The following ECPAS variants were observed in gnomAD, a reference collection of about 807,000 sequenced individuals.
ECPAS encodes proteasome adapter and scaffold protein ECM29.
Under a neutral mutation model 255.1 loss-of-function variants are expected in ECPAS, and 70 were observed. That is an observed-to-expected ratio of 0.27 (90% CI 0.23 to 0.33). The LOEUF (loss-of-function observed/expected upper bound fraction) is 0.33, where lower values mean the gene tolerates loss of function less well. Among genes scored for constraint, ECPAS ranks in the 10% least tolerant of loss-of-function variants. The probability of loss-of-function intolerance (pLI) is 1.00; values close to 1 mark genes in which losing one functional copy is unlikely to be tolerated. For synonymous variants in ECPAS, 784 were observed against 775.0 expected (o/e 1.01, Z -0.19); for missense variants, 1,817 against 2,206.4 (o/e 0.82, Z 3.54).
At position 111,410,160 on chromosome 9, in the gene ECPAS, G is replaced by A. The variant is rs1487883553; in HGVS notation, c.2431C>T (p.Leu811=). 1.2e-6 allele frequency: 2 copies of A among 1,613,164 alleles called. No homozygotes were observed. The highest frequency in any genetic ancestry group is 4.5e-5 in the East Asian group (2 of 44,812). Residue 811 remains leucine, a synonymous_variant, in exon 23 of 50, where the codon CTG becomes TTG. Transcript: ENST00000684092. ...PLLAIAACTA[L]GEIGRNGPLP... is the part of the protein sequence containing the mutation. Reference sequence around the variant, plus strand: ...GGACCATTTCTGCCAATTTCACCCAGGGCTGTGCAGGCAGCAATTGCCAGG... The same window carrying A: ...GGACCATTTCTGCCAATTTCACCCAAGGCTGTGCAGGCAGCAATTGCCAGG...
chr9:111,443,864 G>A (rs1195212225), intron 4 of ECPAS, among the ~76,000 whole-genome samples: 2 of 152,114 alleles, frequency 1.3e-5, no homozygotes, highest in Non-Finnish European at 2.9e-5. Context: ...TTTTTATGAA[G>A]ACAACACTTT....
chr9:111,480,179 C>A (rs1280761533), intron 1 of ECPAS, among the ~76,000 whole-genome samples: 1 of 148,642 alleles, frequency 6.7e-6, no homozygotes, highest in Non-Finnish European at 1.5e-5. Flanking sequence ...TGGAAGAGAA[C>A]AATGCTGGCA....
chr9:111,400,116 C>A (rs1309795598), intron 24 of ECPAS, among the ~76,000 whole-genome samples: 1 of 152,206 alleles, frequency 6.6e-6, no homozygotes, highest in East Asian at 1.9e-4. Context: ...CCTGGGAACC[C>A]AGAGAATGTT....
At chr9:111,396,501 C>A (rs2098167884) in intron 25 of ECPAS, among the ~76,000 whole-genome samples, 1 of 152,148 alleles carries the variant, frequency 6.6e-6, no homozygotes, top group African/African-American at 2.4e-5. Context: ...AGCTGACTCC[C>A]CTGCTTGCTT....
At chr9:111,404,390 T>C (rs2098180758) in intron 24 of ECPAS, among the ~76,000 whole-genome samples, 1 of 149,390 alleles carries the variant, frequency 6.7e-6, no homozygotes, top group South Asian at 2.1e-4. Flanking sequence ...GGATACAAAA[T>C]CAACATACAA....
chr9:111,449,266 A>G (rs2098257172), intron 3 of ECPAS, among the ~76,000 whole-genome samples: 1 of 152,178 alleles, frequency 6.6e-6, no homozygotes, highest in Non-Finnish European at 1.5e-5. Context: ...AAAAGGGAAC[A>G]TTAATCTAAA....
intron 1 of ECPAS, among the ~76,000 whole-genome samples, chr9:111,482,662 A>G (rs375955164): frequency 5.5e-4 from 83 of 151,734 alleles, no homozygotes; most frequent in African/African-American, 1.8e-3. Context: ...AAAAAAAAAA[A>G]GGGAAAGAAA....
intron 35 of ECPAS, among the ~76,000 whole-genome samples, chr9:111,380,928 G>A (rs1042044168): frequency 6.6e-6 from 1 of 152,214 alleles, no homozygotes; most frequent in Non-Finnish European, 1.5e-5. Flanking sequence ...TTAGGCTTTG[G>A]CTGAAGGGAA....
At chr9:111,476,604 G>A (rs151238155) in intron 1 of ECPAS, among the ~76,000 whole-genome samples, 1,810 of 119,016 alleles carry the variant, frequency 0.015, 42 homozygotes, top group African/African-American at 0.054. Context: ...TTTTTGAGAT[G>A]GAGTTTCACT....
chr9:111,385,258 T>C, intron 33 of ECPAS, 79 bp downstream of exon 33: 1 of 750,906 alleles, frequency 1.3e-6, no homozygotes, highest in South Asian at 2.0e-5. Context: ...AATGGAATTT[T>C]GACATACACA....
chr9:111,392,102 T>C (rs1215098170), intron 28 of ECPAS, among the ~76,000 whole-genome samples: 2 of 152,086 alleles, frequency 1.3e-5, no homozygotes, highest in Non-Finnish European at 2.9e-5. Context: ...TAGCCGGGCA[T>C]GGTGGCACGC....
chr9:111,391,791 T>C lies in ECPAS; in HGVS notation c.3126A>G (p.Val1042=), dbSNP rs1166464717. Residue 1042 remains valine, a synonymous_variant, in exon 29 of 50, where the codon GTA becomes GTG. Transcript: ENST00000684092. The part of the protein sequence containing the change: ...VKHEVSGETV[V]FQGGALGKTP... Reference sequence around the variant, plus strand: ...TTTTGCCAAGAGCTCCCCCTTGAAATACCACTGTCTCTCCAGAAACTTCAT... The same window carrying C: ...TTTTGCCAAGAGCTCCCCCTTGAAACACCACTGTCTCTCCAGAAACTTCAT... 2 of 1,609,544 alleles carry C rather than the reference T, an allele frequency of 1.2e-6. No homozygotes were observed.
intron 25 of ECPAS, among the ~76,000 whole-genome samples, chr9:111,394,916 T>A (rs527781357): frequency 6.6e-6 from 1 of 152,330 alleles, no homozygotes; most frequent in African/African-American, 2.4e-5. Flanking sequence ...TTGTTTAAAC[T>A]CATGTTCAAA....
intron 28 of ECPAS, among the ~76,000 whole-genome samples, chr9:111,392,100 C>A (rs2098161080): frequency 2.6e-5 from 4 of 152,102 alleles, no homozygotes; most frequent in Admixed American, 1.3e-4. Flanking sequence ...ATTAGCCGGG[C>A]ATGGTGGCAC....
chr9:111,413,363 C>G (rs1338012397), intron 20 of ECPAS, among the ~76,000 whole-genome samples: 1 of 152,096 alleles, frequency 6.6e-6, no homozygotes, highest in Non-Finnish European at 1.5e-5. Context: ...TAGTTCTCTA[C>G]TATTAAGTGA....
intron 48 of ECPAS, 192 bp downstream of exon 48, chr9:111,366,047 G>T: frequency 1.9e-6 from 1 of 536,862 alleles, no homozygotes; most frequent in African/African-American, 1.9e-5. Context: ...TTCTAAACTA[G>T]ATGCTAAAAT....
Position 111,433,342 on chromosome 9 carries a change from C to T in ECPAS, c.739G>A (p.Ala247Thr). 1 of 1,613,988 alleles carries T rather than the reference C, an allele frequency of 6.2e-7. No homozygotes were observed. Among genetic ancestry groups the T allele is most frequent in the South Asian group, 1.1e-5 (1 of 91,084 alleles). Reference protein sequence around the residue: ...CKLGIVKFIEAEQVPELEAVL... With the variant: ...CKLGIVKFIETEQVPELEAVL... ...GCTTCAAGTTCAGGCACCTGTTCAG[C>T]TTCTATGAATTTCACGATTCCCAAT... Residue 247 changes from alanine to threonine, a missense_variant, in exon 8 of 50, where the codon GCT becomes ACT. By Grantham distance (58) the Ala-to-Thr change is moderately conservative (BLOSUM62 0). Coordinates refer to ENST00000684092, the MANE Select transcript of ECPAS (RefSeq NM_001364929.1).
intron 3 of ECPAS, among the ~76,000 whole-genome samples, chr9:111,447,673 T>C (rs1036032093): frequency 2.6e-5 from 4 of 152,068 alleles, no homozygotes; most frequent in African/African-American, 9.7e-5. Context: ...ATTTCCCCTA[T>C]TCCAAAAGTT....
At chr9:111,363,418 T>C (rs2098116365) in intron 49 of ECPAS, among the ~76,000 whole-genome samples, 170 bp downstream of exon 49, 2 of 152,282 alleles carry the variant, frequency 1.3e-5, no homozygotes, top group East Asian at 1.9e-4. Flanking sequence ...TTTAAATATT[T>C]AGTAAAATTT....
Sources: allele counts gnomAD v4.1 joint callset (sites outside exome capture counted in the v4.1 genomes callset), GRCh38; gene constraint gnomAD v4.1.1; transcripts MANE v1.5; gene names NCBI Gene and HGNC (gene_info 2026-07-23, HGNC 2026-07-21).